MAST4: variants seen among roughly 807,000 people sequenced by gnomAD.
MAST4 encodes the protein microtubule-associated serine/threonine-protein kinase 4.
A neutral mutation model predicts 162.7 loss-of-function variants in MAST4; 89 were observed. The ratio of observed to expected loss-of-function variants is 0.55; its 90% CI spans 0.46 to 0.65. The LOEUF (loss-of-function observed/expected upper bound fraction) is 0.65, where lower values mean the gene tolerates loss of function less well. Among genes scored for constraint, MAST4 ranks in the 30% least tolerant of loss-of-function variants. The probability of loss-of-function intolerance (pLI) is 0.00; values close to 1 mark genes in which losing one functional copy is unlikely to be tolerated. For synonymous variants in MAST4, 1,479 were observed against 1,361.1 expected (o/e 1.09, Z -1.91); for missense variants, 3,153 against 3,374.0 (o/e 0.93, Z 1.62).
intron 27 of MAST4, among the ~76,000 whole-genome samples, chr5:67,162,098 A>G (rs1773248880): frequency 1.3e-5 from 2 of 152,246 alleles, no homozygotes; most frequent in Non-Finnish European, 2.9e-5. Flanking sequence ...TACAGCCTGC[A>G]TTGTTGTTAG....
intron 2 of MAST4, among the ~76,000 whole-genome samples, chr5:66,780,450 A>G (rs1754809722): frequency 6.6e-6 from 1 of 152,104 alleles, no homozygotes; most frequent in Non-Finnish European, 1.5e-5. Context: ...ATATGTCCAG[A>G]GTTTCTTCCT....
chr5:67,004,723 C>T, intron 4 of MAST4: 1 of 407,600 alleles, frequency 2.5e-6, no homozygotes, highest in Non-Finnish European at 4.6e-6. Flanking sequence ...CCGAGCCTGA[C>T]TAGGAGAGGG....
intron 26 of MAST4, among the ~76,000 whole-genome samples, chr5:67,159,276 G>A (rs1053270577): frequency 4.6e-5 from 7 of 151,048 alleles, no homozygotes; most frequent in East Asian, 2.0e-4. Flanking sequence ...TTACACATGC[G>A]TGAGAAAAAA....
chr5:66,892,949 C>T (rs1324671160), intron 3 of MAST4, among the ~76,000 whole-genome samples: 2 of 152,170 alleles, frequency 1.3e-5, no homozygotes. Flanking sequence ...TAATAAACCA[C>T]ACTAGACAGT....
At chr5:66,736,425 T>C (rs1752160152) in intron 1 of MAST4, among the ~76,000 whole-genome samples, 1 of 151,468 alleles carries the variant, frequency 6.6e-6, no homozygotes, top group Admixed American at 6.6e-5. Context: ...AGGTTGGCTC[T>C]GGGTCAGTCG....
intron 2 of MAST4, among the ~76,000 whole-genome samples, chr5:66,766,968 G>A (rs1754123254): frequency 6.6e-6 from 1 of 152,160 alleles, no homozygotes; most frequent in Admixed American, 6.6e-5. Flanking sequence ...CTCCCGTGGT[G>A]ACTCAGGGAC....
At chr5:66,756,460 A>G (rs1398762204) in intron 1 of MAST4, among the ~76,000 whole-genome samples, 1 of 152,222 alleles carries the variant, frequency 6.6e-6, no homozygotes, top group Non-Finnish European at 1.5e-5. Flanking sequence ...GCCCTTGAAC[A>G]TCAGTGAAAG....
chr5:66,873,186 CT>C (rs1355823695), intron 3 of MAST4, among the ~76,000 whole-genome samples: 2 of 152,172 alleles, frequency 1.3e-5, no homozygotes, highest in Non-Finnish European at 2.9e-5. Context: ...AGGTCACATT[CT>C]TTCCTCCTCA....
chr5:67,077,960 G>T (rs577337790), intron 5 of MAST4, among the ~76,000 whole-genome samples: 1 of 152,068 alleles, frequency 6.6e-6, no homozygotes, highest in African/African-American at 2.4e-5. Flanking sequence ...ATAGCTGGGC[G>T]TGGAGGTAGG....
chr5:66,921,981 T>C (rs1470339436), intron 4 of MAST4, among the ~76,000 whole-genome samples: 1 of 152,154 alleles, frequency 6.6e-6, no homozygotes, highest in Non-Finnish European at 1.5e-5. Context: ...ATGCCACCAG[T>C]CTTCCATCTT....
At chr5:67,106,737 C>T (rs1765641771) in intron 10 of MAST4, among the ~76,000 whole-genome samples, 1 of 152,186 alleles carries the variant, frequency 6.6e-6, no homozygotes, top group African/African-American at 2.4e-5. Context: ...CCCTTCCTCT[C>T]AATGCATTTA....
intron 1 of MAST4, among the ~76,000 whole-genome samples, chr5:66,695,882 A>T (rs539831435): frequency 2.6e-5 from 4 of 152,202 alleles, no homozygotes; most frequent in Non-Finnish European, 2.9e-5. Context: ...AAATCATTCT[A>T]TTATAAAGAT....
chr5:66,671,184 G>A (rs1747589209), intron 1 of MAST4, among the ~76,000 whole-genome samples: 1 of 152,160 alleles, frequency 6.6e-6, no homozygotes, highest in African/African-American at 2.4e-5. Context: ...AAACCCAACT[G>A]ATAGTATCTT....
At chr5:66,980,595 G>A (rs1273331964) in intron 4 of MAST4, among the ~76,000 whole-genome samples, 1 of 152,190 alleles carries the variant, frequency 6.6e-6, no homozygotes, top group African/African-American at 2.4e-5. Flanking sequence ...CAATTCATCA[G>A]AAAGGGTGAA....
intron 3 of MAST4, chr5:66,792,111 C>A (rs1051759412): frequency 1.2e-5 from 2 of 164,718 alleles, no homozygotes; most frequent in Non-Finnish European, 2.9e-5. Context: ...AACTAATAGA[C>A]CTGAGAGAGA....
At chr5:67,093,731 G>A (rs577951341) in intron 6 of MAST4, 37 of 410,588 alleles carry the variant, frequency 9.0e-5, no homozygotes, top group Non-Finnish European at 1.6e-4. Context: ...TGAGGGGAAG[G>A]AGAGTTAATG....
At chr5:66,959,360 A>G in intron 4 of MAST4, 1 of 776,138 alleles carries the variant, frequency 1.3e-6, no homozygotes, top group Admixed American at 1.7e-5. Flanking sequence ...GGCGACCAAT[A>G]GCTATTTAGC....
In MAST4 at chr5:66,596,632, A is replaced by T; in HGVS notation, c.-24A>T. ...GCGCGCCGCGCCCCCGCCGCTCGGG[A>T]GGCACTTTGGGCCAGACAGGGAAAT... On this transcript the variant is annotated 5_prime_UTR_variant, in exon 1 of 29. Transcript: ENST00000403625. 2.1e-6 allele frequency: 3 copies of T among 1,410,054 alleles called. No homozygotes were observed. The highest frequency in any genetic ancestry group is 2.8e-6 in the Non-Finnish European group (3 of 1,084,554). The allele number at this position is 1,410,054 out of a possible 1,614,324, so 87.3% of individuals were successfully genotyped here.
intron 1 of MAST4, among the ~76,000 whole-genome samples, chr5:66,649,467 C>T (rs1746074027): frequency 6.6e-6 from 1 of 152,186 alleles, no homozygotes; most frequent in Non-Finnish European, 1.5e-5. Flanking sequence ...TGTTCACAGC[C>T]ATCTGTGATG....
Sources: allele counts gnomAD v4.1 joint callset (sites outside exome capture counted in the v4.1 genomes callset), GRCh38; gene constraint gnomAD v4.1.1; transcripts MANE v1.5; gene names NCBI Gene and HGNC (gene_info 2026-07-23, HGNC 2026-07-21).